PPP2R2B: variants seen among roughly 807,000 people sequenced by gnomAD.
The protein encoded by PPP2R2B is protein phosphatase 2 regulatory subunit Bbeta, also known as serine/threonine-protein phosphatase 2A 55 kDa regulatory subunit B beta isoform.
Under a neutral mutation model 46.0 loss-of-function variants are expected in PPP2R2B, and 5 were observed. The observed-to-expected ratio is 0.11, with a 90% confidence interval of 0.06 to 0.23. The LOEUF is 0.23. Ranked by LOEUF, PPP2R2B falls within the 10% of genes least tolerant of loss-of-function variation. The probability of loss-of-function intolerance (pLI) is 1.00; values close to 1 mark genes in which losing one functional copy is unlikely to be tolerated. For missense variants in PPP2R2B, 367 were observed against 575.0 expected (o/e 0.64, Z 3.70); for synonymous variants, 215 against 206.7 (o/e 1.04, Z -0.34).
At chr5:146,635,036 G>A (rs1378511201) in intron 7 of PPP2R2B, among the ~76,000 whole-genome samples, 6 of 152,184 alleles carry the variant, frequency 3.9e-5, no homozygotes, top group African/African-American at 1.4e-4. Context: ...GAATAATTGT[G>A]ATAACTGCTG....
chr5:146,852,920 A>T (rs1459720849), intron 2 of PPP2R2B, among the ~76,000 whole-genome samples: 1 of 152,144 alleles, frequency 6.6e-6, no homozygotes, highest in Non-Finnish European at 1.5e-5. Flanking sequence ...TAAAAGTGCA[A>T]TTAGAGCTTT....
chr5:146,911,114 T>C (rs55824663), intron 1 of PPP2R2B, among the ~76,000 whole-genome samples: 3,724 of 151,206 alleles, frequency 0.025, 147 homozygotes, highest in African/African-American at 0.068. Context: ...GATGGAGTCT[T>C]GTTTTGTCCC....
chr5:146,861,346 G>A (rs1449649340), intron 2 of PPP2R2B, among the ~76,000 whole-genome samples: 1 of 151,888 alleles, frequency 6.6e-6, no homozygotes, highest in Non-Finnish European at 1.5e-5. Flanking sequence ...GTGAGCCACC[G>A]CGCCCAGCCT....
intron 1 of PPP2R2B, among the ~76,000 whole-genome samples, chr5:146,934,588 A>G (rs1301630234): frequency 2.7e-5 from 4 of 147,660 alleles, no homozygotes; most frequent in South Asian, 4.3e-4. Flanking sequence ...CATAAGAAAA[A>G]AAAAAAAAAA....
chr5:146,928,471 A>C (rs1582444617), intron 1 of PPP2R2B, among the ~76,000 whole-genome samples: 2 of 152,064 alleles, frequency 1.3e-5, no homozygotes, highest in East Asian at 3.9e-4. Flanking sequence ...ACCAAAAAAA[A>C]AATCAAGTTA....
At chr5:146,823,491 C>T (rs1758396320) in intron 2 of PPP2R2B, among the ~76,000 whole-genome samples, 1 of 152,096 alleles carries the variant, frequency 6.6e-6, no homozygotes, top group African/African-American at 2.4e-5. Flanking sequence ...GCCACTGCAC[C>T]TGGCCCAGAG....
intron 1 of PPP2R2B, among the ~76,000 whole-genome samples, chr5:146,902,583 C>T (rs1582392413): frequency 6.6e-5 from 10 of 152,180 alleles, no homozygotes; most frequent in Admixed American, 6.5e-4. Context: ...CACACGGCCT[C>T]GTTAAAGTGC....
chr5:146,970,734 TAAG>T (rs1225296500), intron 1 of PPP2R2B, among the ~76,000 whole-genome samples: 2 of 152,168 alleles, frequency 1.3e-5, no homozygotes, highest in Admixed American at 6.5e-5. Flanking sequence ...TTGCGGCTCA[TAAG>T]AAGGTCACCT....
intron 8 of PPP2R2B, among the ~76,000 whole-genome samples, chr5:146,595,787 C>G (rs1488751976): frequency 6.6e-6 from 1 of 152,208 alleles, no homozygotes; most frequent in Non-Finnish European, 1.5e-5. Flanking sequence ...CAAGAGAGAA[C>G]TTAAAACTCA....
At chr5:146,686,518 A>G (rs74912536) in intron 5 of PPP2R2B, among the ~76,000 whole-genome samples, 2 of 152,180 alleles carry the variant, frequency 1.3e-5, no homozygotes, top group African/African-American at 2.4e-5. Context: ...AGGATATAAA[A>G]TCTAGTACCT....
chr5:146,839,930 C>CA (rs1759525833), intron 2 of PPP2R2B, among the ~76,000 whole-genome samples: 1 of 152,200 alleles, frequency 6.6e-6, no homozygotes, highest in South Asian at 2.1e-4. Context: ...TGTTCTAACA[C>CA]AATTGTTCTG....
At chr5:146,704,070 T>C (rs1779693867) in intron 2 of PPP2R2B, among the ~76,000 whole-genome samples, 3 of 152,256 alleles carry the variant, frequency 2.0e-5, no homozygotes, top group South Asian at 4.1e-4. Context: ...TCATGTTTCC[T>C]GACTCATTTA....
At chr5:147,001,257 C>T (rs557729654) in intron 1 of PPP2R2B, among the ~76,000 whole-genome samples, 12 of 152,286 alleles carry the variant, frequency 7.9e-5, no homozygotes, top group African/African-American at 2.2e-4. Flanking sequence ...TTTGTTCTTT[C>T]GCTCTTCACA....
At chr5:147,047,665 G>T (rs531976912) in intron 1 of PPP2R2B, among the ~76,000 whole-genome samples, 3 of 151,928 alleles carry the variant, frequency 2.0e-5, no homozygotes, top group African/African-American at 7.3e-5. Context: ...AAAATTAAAG[G>T]CCAGGAAATA....
intron 2 of PPP2R2B, among the ~76,000 whole-genome samples, chr5:146,774,956 GT>G (rs1755093082): frequency 6.6e-6 from 1 of 151,978 alleles, no homozygotes; most frequent in Admixed American, 6.6e-5. Context: ...GAAAATCCAA[GT>G]AGACCTGTAT....
intron 2 of PPP2R2B, among the ~76,000 whole-genome samples, chr5:146,864,396 C>CAAAAAAAA (rs34780019): frequency 3.2e-5 from 1 of 31,310 alleles, no homozygotes; most frequent in Non-Finnish European, 6.3e-5. Context: ...TAGTATTAAC[C>CAAAAAAAA]AAAAAAAAAA....
chr5:147,075,455 T>G (rs1757734449), intron 2 of PPP2R2B, among the ~76,000 whole-genome samples: 1 of 152,176 alleles, frequency 6.6e-6, no homozygotes, highest in South Asian at 2.1e-4. Context: ...AAATACCATC[T>G]GCATGCTGAG....
chr5:146,709,030 C>T (rs943324824), intron 2 of PPP2R2B, among the ~76,000 whole-genome samples: 1 of 152,194 alleles, frequency 6.6e-6, no homozygotes, highest in African/African-American at 2.4e-5. Flanking sequence ...GCTTGCTATC[C>T]TTGACCTACT....
chr5:146,715,686 C>T (rs897027595), intron 2 of PPP2R2B, among the ~76,000 whole-genome samples: 36 of 152,250 alleles, frequency 2.4e-4, no homozygotes, highest in African/African-American at 8.4e-4. Flanking sequence ...TAAGACTAGT[C>T]GTGGAGCTGG....
Sources: gnomAD v4.1 joint callset for allele counts (sites outside exome capture counted in the v4.1 genomes callset) on GRCh38, gnomAD v4.1.1 for gene constraint, MANE v1.5 for transcripts, NCBI Gene and HGNC (gene_info 2026-07-23, HGNC 2026-07-21) for gene names.